The following NOX5 variants were observed in gnomAD, a reference collection of about 807,000 sequenced individuals.
The protein encoded by NOX5 is NADPH oxidase, EF-hand calcium binding domain 5.
In NOX5, 76 loss-of-function variants were observed where a neutral mutation model predicts 85.7. That is an observed-to-expected ratio of 0.89 (90% CI 0.74 to 1.07). The LOEUF (loss-of-function observed/expected upper bound fraction) is 1.07. Ranked by LOEUF, NOX5 falls within the 50% of genes least tolerant of loss-of-function variation. NOX5 has a pLI of 0.00. For synonymous variants in NOX5, 405 were observed against 401.4 expected (o/e 1.01, Z -0.11); for missense variants, 973 against 999.5 (o/e 0.97, Z 0.36).
At position 69,028,375 on chromosome 15, in the gene NOX5, C is replaced by T; in HGVS notation, c.325+10C>T. On this transcript the variant is annotated intron_variant, in intron 3 of 15. Transcript: ENST00000388866. Reference sequence around the variant, plus strand: ...GTGTATGACATCGATGGTAAGGGCTCTTCCTGGGTGTGGGCTGGGGTGGGG... The same window carrying T: ...GTGTATGACATCGATGGTAAGGGCTTTTCCTGGGTGTGGGCTGGGGTGGGG... 1.3e-6 allele frequency: 2 copies of T among 1,584,598 alleles called. No individual in the cohort carries two copies. The highest frequency in any genetic ancestry group is 1.7e-6 in the Non-Finnish European group (2 of 1,163,706).
In NOX5 at chr15:69,053,611, T is replaced by A. The variant is rs116661193; in HGVS notation, c.2000-1723T>A. Among the ~76,000 whole-genome samples the A allele has an allele frequency of 3.1e-3, 470 of 152,326 alleles. 2 individuals carry two copies. The highest frequency in any genetic ancestry group is 0.011 in the African/African-American group (451 of 41,566). On this transcript the variant is annotated intron_variant, in intron 14 of 15. Coordinates refer to ENST00000388866, the MANE Select transcript of NOX5 (RefSeq NM_024505.4). The stretch of plus-strand genomic sequence containing the variant: ...TCATAAAAATGCCAAAATTAATATA[T>A]TTGTGCACATAGTTTTTTTCCTTGC...
At chr15:69,043,495 C>T (rs1273320207) in intron 10 of NOX5, 1 of 152,230 alleles carries the variant, frequency 6.6e-6, no homozygotes, top group Admixed American at 6.5e-5. Context: ...GAGACGTTCC[C>T]AGGCCTGGCC....
At chr15:69,028,119 CCCA>C (rs1247164463) in intron 2 of NOX5, 93 bp from the exon 3 acceptor site, 2 of 1,358,256 alleles carry the variant, frequency 1.5e-6, no homozygotes, top group African/African-American at 1.5e-5. Flanking sequence ...GGTGCACCCC[CCCA>C]CCACCACCCC....
At position 69,017,443 on chromosome 15, in the gene NOX5, C is replaced by T. The variant is rs1289898210; in HGVS notation, c.50+2658C>T. On this transcript the variant is annotated intron_variant, in intron 1 of 15. Coordinates refer to ENST00000388866, the MANE Select transcript of NOX5 (RefSeq NM_024505.4). The stretch of plus-strand genomic sequence containing the variant: ...CTGGGATTACAGGCATGAGCCACTG[C>T]GGCCGGCCAGACGTTCCTAAGTCTT... Among the ~76,000 whole-genome samples, 4 of 152,158 alleles carry T rather than the reference C, an allele frequency of 2.6e-5. No individual in the cohort carries two copies. The East Asian group carries it at 5.8e-4, about 22-fold the overall frequency.
In NOX5 at chr15:69,031,754, G is replaced by A. The variant is rs780394300; in HGVS notation, c.562G>A (p.Glu188Lys). ...DADGNGAITF[E>K]ELRDELQRFP... ...GGACGGCAACGGGGCCATCACCTTC[G>A]AGGAGCTCCGGGACGAGCTGCAGCG... is the stretch of plus-strand genomic sequence containing the variant. Residue 188 changes from glutamate (E) to lysine (K), a missense_variant, in exon 4 of 16, where the codon GAG becomes AAG. Physicochemically the swap from Glu to Lys is moderately conservative, Grantham distance 56. Coordinates refer to ENST00000388866, the MANE Select transcript of NOX5 (RefSeq NM_024505.4). The A allele has an allele frequency of 6.2e-7, 1 of 1,611,314 alleles. No homozygotes were observed. The highest frequency in any genetic ancestry group is 2.2e-5 in the East Asian group (1 of 44,800).
chr15:69,036,345 G>A (rs1005377046), intron 7 of NOX5, among the ~76,000 whole-genome samples: 1 of 152,196 alleles, frequency 6.6e-6, no homozygotes, highest in Non-Finnish European at 1.5e-5. Context: ...AATTATAGGC[G>A]ATAATACATG....
At chr15:69,015,797 G>T (rs1295517141) in intron 1 of NOX5, among the ~76,000 whole-genome samples, 6 of 151,782 alleles carry the variant, frequency 4.0e-5, no homozygotes, top group African/African-American at 1.5e-4. Flanking sequence ...GAATGTCTTT[G>T]GGGGGGCAGT....
At chr15:69,045,413 T>C (rs1420961166) in intron 10 of NOX5, among the ~76,000 whole-genome samples, 1 of 152,218 alleles carries the variant, frequency 6.6e-6, no homozygotes. Context: ...TCTTGCTAGA[T>C]GGCCTGTCTG....
intron 9 of NOX5, among the ~76,000 whole-genome samples, chr15:69,039,720 T>C (rs1415014514): frequency 6.6e-6 from 1 of 152,186 alleles, no homozygotes; most frequent in Non-Finnish European, 1.5e-5. Flanking sequence ...CCCTGAACTA[T>C]TCCCACTGCT....
chr15:69,015,909 C>T (rs1164260612), intron 1 of NOX5, among the ~76,000 whole-genome samples: 1 of 113,526 alleles, frequency 8.8e-6, no homozygotes, highest in Non-Finnish European at 1.7e-5. Flanking sequence ...GAAGCAGAGT[C>T]ATTGTTGGGT....
intron 7 of NOX5, among the ~76,000 whole-genome samples, chr15:69,036,159 C>T (rs2050514255): frequency 6.6e-6 from 1 of 152,110 alleles, no homozygotes; most frequent in African/African-American, 2.4e-5. Context: ...TTTTTGCTGG[C>T]TTATCCCTTT....
chr15:69,021,375 A>G (rs2050293629), intron 1 of NOX5, among the ~76,000 whole-genome samples: 1 of 145,306 alleles, frequency 6.9e-6, no homozygotes, highest in Non-Finnish European at 1.5e-5. Context: ...TTGAGACAGC[A>G]TCTGTGATCT....
rs2050243493 is a variant in NOX5 at position 69,017,344 on chromosome 15, G to T, written c.50+2559G>T. Among the ~76,000 whole-genome samples, 3 of 152,120 alleles carry T rather than the reference G, an allele frequency of 2.0e-5. No homozygotes were observed. In the East Asian group the frequency reaches 5.8e-4, roughly 29 times the overall value. On this transcript the variant is annotated intron_variant, in intron 1 of 15. Coordinates refer to ENST00000388866, the MANE Select transcript of NOX5 (RefSeq NM_024505.4). ...TTTTTGTATTTTTAGTAGAAATGGG[G>T]TTTTGCCATGTTGAACAGGCTGGTC...
intron 10 of NOX5, among the ~76,000 whole-genome samples, chr15:69,045,598 CT>C (rs752367580): frequency 0.022 from 2,340 of 108,136 alleles, 46 homozygotes; most frequent in African/African-American, 0.047. Flanking sequence ...TTCTTTCTTT[CT>C]TTTTTTTTTC....
chr15:69,033,705 T>TC (rs2050473911), intron 5 of NOX5, among the ~76,000 whole-genome samples: 2 of 148,826 alleles, frequency 1.3e-5, no homozygotes, highest in African/African-American at 5.0e-5. Flanking sequence ...TTTTTTCTTT[T>TC]TTTTTTTTTT....
At chr15:69,053,291 G>T (rs1415302893) in intron 14 of NOX5, among the ~76,000 whole-genome samples, 1 of 152,154 alleles carries the variant, frequency 6.6e-6, no homozygotes, top group African/African-American at 2.4e-5. Context: ...GATGCTACTA[G>T]TACCCACCTC....
Position 69,062,633 on chromosome 15 carries a change from A to G in NOX5, c.*5937A>G, listed in dbSNP as rs780194903. On this transcript the variant is annotated 3_prime_UTR_variant, in exon 16 of 16. Transcript: ENST00000388866. ...AGCCTTTGCTTCTGCATCGCCTGAC[A>G]CTTGGAGCACCCTTCTCCACTTTCA... The G allele has an allele frequency of 6.6e-6, 1 of 152,102 alleles. No individual in the cohort carries two copies. The highest frequency in any genetic ancestry group is 1.5e-5 in the Non-Finnish European group (1 of 68,044). The allele number at this position is 152,102 out of a possible 1,614,324, so 9.4% of individuals were successfully genotyped here.
rs1172988505 is a variant in NOX5, at chr15:69,048,012, G to A, written c.1899+101G>A. ...TGTGCAAAGGTGGGAGCGGATAGGT[G>A]ATCCCTAATGGGATCTTTCTTTCCC... On this transcript the variant is annotated intron_variant, in intron 13 of 15. Transcript: ENST00000388866. 6.2e-6 allele frequency: 6 copies of A among 963,918 alleles called. No individual in the cohort carries two copies. In the Admixed American group the frequency reaches 1.0e-4, roughly 16 times the overall value. 59.7% of individuals were successfully genotyped at this position (963,918 alleles called of 1,614,324 possible). A position where few individuals can be genotyped will look rare whatever the true frequency, so the allele number is the denominator to read the frequency against.
intron 14 of NOX5, among the ~76,000 whole-genome samples, 191 bp downstream of exon 14, chr15:69,049,249 T>G (rs1457320716): frequency 1.3e-5 from 2 of 150,820 alleles, no homozygotes; most frequent in Non-Finnish European, 2.9e-5. Context: ...TGAAGTGCAG[T>G]AGCACGATTA....
Sources: gnomAD v4.1 joint callset for allele counts (sites outside exome capture counted in the v4.1 genomes callset) on GRCh38, gnomAD v4.1.1 for gene constraint, MANE v1.5 for transcripts, NCBI Gene and HGNC (gene_info 2026-07-23, HGNC 2026-07-21) for gene names.